CHD7: variants seen among roughly 807,000 people sequenced by gnomAD.
CHD7 encodes ATP-dependent chromatin remodeler CHD7.
Under a neutral mutation model 307.3 loss-of-function variants are expected in CHD7, and 24 were observed. The ratio of observed to expected loss-of-function variants is 0.08; its 90% CI spans 0.06 to 0.11. The LOEUF is 0.11. Ranked by LOEUF, CHD7 falls within the 10% of genes least tolerant of loss-of-function variation. The pLI is 1.00. For missense variants in CHD7, 3,106 were observed against 3,727.1 expected (o/e 0.83, Z 4.34); for synonymous variants, 1,363 against 1,349.9 (o/e 1.01, Z -0.21).
chr8:60,845,725 A>T (rs1805181818), intron 23 of CHD7, among the ~76,000 whole-genome samples: 1 of 152,232 alleles, frequency 6.6e-6, no homozygotes, highest in African/African-American at 2.4e-5. Context: ...ATTTTTTAAC[A>T]TGGTAAGATA....
intron 23 of CHD7, 123 bp from the exon 24 acceptor site, chr8:60,848,392 C>T: frequency 1.5e-6 from 1 of 654,602 alleles, no homozygotes; most frequent in East Asian, 2.8e-5. Context: ...TTCAAGCCTA[C>T]CATACAGCAT....
chr8:60,756,716 T>C (rs1563574186), intron 2 of CHD7, among the ~76,000 whole-genome samples: 1 of 151,950 alleles, frequency 6.6e-6, no homozygotes, highest in Non-Finnish European at 1.5e-5. Flanking sequence ...CATACGCGCA[T>C]ACACACACAC....
Position 60,844,886 on chromosome 8 carries a change from C to T in CHD7, c.4873C>T (p.Leu1625Phe). The T allele has an allele frequency of 6.2e-7, 1 of 1,604,786 alleles. No homozygotes were observed. Among genetic ancestry groups the T allele is most frequent in the Non-Finnish European group, 8.5e-7 (1 of 1,173,438 alleles). ...CAGTTGGGGACGGTGGACAGACATT[C>T]TTTCCCACGGACGCTATAAACGCCA... ...VYGWGRWTDI[L>F]SHGRYKRQLT... is the part of the protein sequence containing the mutation. The change falls in exon 22 of 38, where the codon CTT becomes TTT. Residue 1625 changes from leucine (L) to phenylalanine (F), a missense_variant. By Grantham distance (22) the Leu-to-Phe change is conservative. Coordinates refer to ENST00000423902, the MANE Select transcript of CHD7 (RefSeq NM_017780.4).
chr8:60,783,811 G>T (rs1484446398), intron 3 of CHD7, among the ~76,000 whole-genome samples: 1 of 152,144 alleles, frequency 6.6e-6, no homozygotes, highest in Non-Finnish European at 1.5e-5. Flanking sequence ...TGGCACCTCT[G>T]TTGGCCCTGG....
rs1284118099 is a variant in CHD7, at chr8:60,741,300, GAATT to G, written c.-130_-127del. On this transcript the variant is annotated 5_prime_UTR_variant, in exon 2 of 38. Transcript: ENST00000423902. ...TTGCCTGACACTGCAGGGTCCAAGA[GAATT>G]AAAGAAATATGGAATGACATGAAGA... is the stretch of plus-strand genomic sequence containing the variant. 8.3e-6 allele frequency: 6 copies of G among 722,720 alleles called. No individual in the cohort carries two copies. The African/African-American group carries it at 1.1e-4, about 13-fold the overall frequency. The allele number at this position is 722,720 out of a possible 1,614,324, so 44.8% of individuals were successfully genotyped here. A position where few individuals can be genotyped will look rare whatever the true frequency, so the allele number is the denominator to read the frequency against.
chr8:60,684,257 C>T (rs1292254621), intron 1 of CHD7, among the ~76,000 whole-genome samples: 1 of 152,088 alleles, frequency 6.6e-6, no homozygotes, highest in Non-Finnish European at 1.5e-5. Flanking sequence ...TTAAAGTGAC[C>T]CTTTGAGCCT....
At chr8:60,803,629 TAAA>T (rs779260624) in intron 6 of CHD7, among the ~76,000 whole-genome samples, 3 of 152,128 alleles carry the variant, frequency 2.0e-5, no homozygotes, top group Non-Finnish European at 4.4e-5. Context: ...TGATTTAAAA[TAAA>T]GAAGAGATGT....
At chr8:60,722,152 A>G (rs117137956) in intron 1 of CHD7, among the ~76,000 whole-genome samples, 95 of 152,224 alleles carry the variant, frequency 6.2e-4, no homozygotes, top group East Asian at 4.2e-3. Context: ...TTTCTCTGCA[A>G]TCCCCACAGC....
Position 60,742,822 on chromosome 8 carries a change from A to G in CHD7, c.1390A>G (p.Met464Val). The G allele has an allele frequency of 9.9e-6, 16 of 1,613,836 alleles. No homozygotes were observed. The highest frequency in any genetic ancestry group is 1.3e-5 in the Non-Finnish European group (15 of 1,179,786). The change falls in exon 2 of 38, where the codon ATG (methionine) becomes GTG (valine). Residue 464 changes from methionine (M) to valine (V), a missense_variant. Around this residue, in one of 10 missense-constraint regions of CHD7, gnomAD observed 998 missense variants for 1,004.5 expected, o/e 0.99. Transcript: ENST00000423902. ...GCAGCAGTCTCGTCCATTTATAGGC[A>G]TGTCCTCGGCACCAAGGGAATTGAC... ...NMQQSRPFIG[M>V]SSAPRELTGH...
intron 1 of CHD7, among the ~76,000 whole-genome samples, chr8:60,714,717 C>T (rs1029566657): frequency 6.6e-6 from 1 of 152,212 alleles, no homozygotes; most frequent in African/African-American, 2.4e-5. Context: ...CCTCCTCACT[C>T]TGGTCGTCTC....
intron 1 of CHD7, among the ~76,000 whole-genome samples, chr8:60,687,303 TAA>T (rs5891774): frequency 4.0e-5 from 6 of 151,862 alleles, no homozygotes; most frequent in African/African-American, 1.2e-4. Context: ...AGGAATATGA[TAA>T]AAAAAAAATA....
chr8:60,861,392 G>T, intron 35 of CHD7: 1 of 361,578 alleles, frequency 2.8e-6, no homozygotes, highest in Non-Finnish European at 5.0e-6. Context: ...AAACTCATGT[G>T]ACTTCTTCAG....
intron 7 of CHD7, chr8:60,808,594 G>A: frequency 3.3e-6 from 1 of 307,280 alleles, no homozygotes; most frequent in Non-Finnish European, 6.0e-6. Context: ...TCTACCCTGT[G>A]GGGCTACACT....
At chr8:60,862,736 A>G in intron 37 of CHD7, 84 bp downstream of exon 37, 2 of 902,466 alleles carry the variant, frequency 2.2e-6, no homozygotes, top group Non-Finnish European at 3.5e-6. Flanking sequence ...GTTGGCCATT[A>G]ATTATTCAGT....
At chr8:60,717,726 T>A (rs1807679694) in intron 1 of CHD7, among the ~76,000 whole-genome samples, 1 of 79,832 alleles carries the variant, frequency 1.3e-5, no homozygotes, top group Non-Finnish European at 2.6e-5. Flanking sequence ...AGCTGAAAAA[T>A]TCCATTGTCC....
At chr8:60,680,216 C>A (rs1360185674) in intron 1 of CHD7, among the ~76,000 whole-genome samples, 1 of 151,668 alleles carries the variant, frequency 6.6e-6, no homozygotes, top group Non-Finnish European at 1.5e-5. Context: ...GCGTGAACGG[C>A]CGAGGTGGCT....
Position 60,854,427 on chromosome 8 carries a change from A to G in CHD7, c.6840A>G (p.Arg2280=), listed in dbSNP as rs776517029. 6.2e-7 allele frequency: 1 copy of G among 1,613,778 alleles called. No individual in the cohort carries two copies. The highest frequency in any genetic ancestry group is 1.1e-5 in the South Asian group (1 of 91,054). ...GCAATGCTTCCATGAGCACTGCTAG[A>G]GATGAAACCCGAGATGGATTCTACA... is the stretch of plus-strand genomic sequence containing the variant. ...EESNASMSTA[R]DETRDGFYME... Residue 2280 remains arginine (R), a synonymous_variant, in exon 32 of 38, where the codon AGA becomes AGG. Coordinates refer to ENST00000423902, the MANE Select transcript of CHD7 (RefSeq NM_017780.4).
intron 1 of CHD7, among the ~76,000 whole-genome samples, chr8:60,728,075 C>T (rs766627185): frequency 2.0e-5 from 3 of 152,238 alleles, no homozygotes; most frequent in Non-Finnish European, 2.9e-5. Context: ...TTGTACCTTT[C>T]TCTTCCAGTC....
rs75422800 is a variant in CHD7, at chr8:60,841,028, T to C, written c.4534-616T>C. 1.8e-4 allele frequency among the ~76,000 whole-genome samples: 27 copies of C among 152,368 alleles called. 1 individual carries two copies. The East Asian group carries it at 5.2e-3, about 29-fold the overall frequency. On this transcript the variant is annotated intron_variant, in intron 19 of 37. Coordinates refer to ENST00000423902, the MANE Select transcript of CHD7 (RefSeq NM_017780.4). ...CTGACCTCCATGCTCCAAGCATTGG[T>C]ATGACCTTTCCAACTTGTGACTCTG...
Sources: allele counts gnomAD v4.1 joint callset (sites outside exome capture counted in the v4.1 genomes callset), GRCh38; gene constraint gnomAD v4.1.1; regional missense constraint gnomAD v4.1.1; transcripts MANE v1.5; gene names NCBI Gene and HGNC (gene_info 2026-07-23, HGNC 2026-07-21).